Variants in CACNA1D observed in about 807,000 individuals in gnomAD.
CACNA1D encodes the protein voltage-dependent L-type calcium channel subunit alpha-1D.
Under a neutral mutation model 257.1 loss-of-function variants are expected in CACNA1D, and 55 were observed. That is an observed-to-expected ratio of 0.21 (90% CI 0.17 to 0.27). CACNA1D has a LOEUF of 0.27. Among genes scored for constraint, CACNA1D ranks in the 10% least tolerant of loss-of-function variants. The probability of loss-of-function intolerance (pLI) is 1.00; values close to 1 mark genes in which losing one functional copy is unlikely to be tolerated. For synonymous variants in CACNA1D, 980 were observed against 1,014.9 expected (o/e 0.97, Z 0.65); for missense variants, 1,876 against 2,784.0 (o/e 0.67, Z 7.34).
chr3:53,599,860 C>T (rs943478377), intron 3 of CACNA1D, among the ~76,000 whole-genome samples: 1 of 152,200 alleles, frequency 6.6e-6, no homozygotes, highest in Non-Finnish European at 1.5e-5. Flanking sequence ...GCACTGTAAC[C>T]AGGGTTGAGG....
At position 53,793,395 on chromosome 3, in the gene CACNA1D, T is replaced by C. The variant is rs1036760122; in HGVS notation, c.4923+6443T>C. ...TTTGACCCACCCGACGTTGAGTTGA[T>C]TCAGTGCTGAAGGATGGCACGTGCC... On this transcript the variant is annotated intron_variant, in intron 40 of 47. Transcript: ENST00000350061. The surrounding 1 kb of genome is among the most constrained non-coding windows in gnomAD (Gnocchi z 4.1). 6.6e-5 allele frequency among the ~76,000 whole-genome samples: 10 copies of C among 152,214 alleles called. No individual in the cohort carries two copies. Among genetic ancestry groups the C allele is most frequent in the Non-Finnish European group, 1.0e-4 (7 of 68,042 alleles).
chr3:53,581,379 C>T (rs1383648241), intron 3 of CACNA1D, among the ~76,000 whole-genome samples: 3 of 152,142 alleles, frequency 2.0e-5, no homozygotes, highest in Non-Finnish European at 4.4e-5. Context: ...CCAGAGATAA[C>T]CACTGTTAAT....
rs1426428227 is a variant in CACNA1D at position 53,776,008 on chromosome 3, T to G, written c.4325T>G (p.Val1442Gly). 2 of 1,614,186 alleles carry G rather than the reference T, an allele frequency of 1.2e-6. No homozygotes were observed. The highest frequency in any genetic ancestry group is 1.1e-5 in the South Asian group (1 of 91,084). ...ACATGTGGGAGCAACTTTGCCATTG[T>G]CTATTTCATCAGTTTTTACATGCTC... ...EYTCGSNFAI[V>G]YFISFYMLCA... is the part of the protein sequence containing the mutation. Residue 1442 changes from valine to glycine, a missense_variant, in exon 35 of 48, where the codon GTC (valine) becomes GGC (glycine). Coordinates refer to ENST00000350061, the MANE Select transcript of CACNA1D (RefSeq NM_001128840.3).
chr3:53,611,837 A>G (rs1172259435), intron 3 of CACNA1D, among the ~76,000 whole-genome samples: 1 of 152,220 alleles, frequency 6.6e-6, no homozygotes, highest in Non-Finnish European at 1.5e-5. Context: ...TGTGGACCAG[A>G]TGGTCTGTTA....
Position 53,733,055 on chromosome 3 carries a change from G to C in CACNA1D, c.2621+93G>C, listed in dbSNP as rs1042122672. On this transcript the variant is annotated intron_variant, in intron 19 of 47. Coordinates refer to ENST00000350061, the MANE Select transcript of CACNA1D (RefSeq NM_001128840.3). ...GGCTCGGGTGGGGGTGAGGGGAAGT[G>C]GTTCACAGCCCTTTCTGAACCTGAG... 1.1e-5 allele frequency: 14 copies of C among 1,286,744 alleles called. No homozygotes were observed. The African/African-American group carries it at 1.5e-4, about 13-fold the overall frequency. 79.7% of individuals were successfully genotyped at this position (1,286,744 alleles called of 1,614,324 possible).
At chr3:53,554,967 C>G (rs1038745424) in intron 3 of CACNA1D, among the ~76,000 whole-genome samples, 2 of 152,058 alleles carry the variant, frequency 1.3e-5, no homozygotes, top group African/African-American at 4.8e-5. Context: ...AACAACTTCC[C>G]CTTTTCAAAT....
At chr3:53,730,914 A>T in intron 16 of CACNA1D, 163 bp from the exon 17 acceptor site, 1 of 624,922 alleles carries the variant, frequency 1.6e-6, no homozygotes, top group Non-Finnish European at 2.8e-6. Flanking sequence ...TGAGATTACC[A>T]GGAAGCTCTG....
intron 19 of CACNA1D, among the ~76,000 whole-genome samples, chr3:53,735,171 C>T (rs1005786433): frequency 1.3e-5 from 2 of 152,198 alleles, no homozygotes; most frequent in Admixed American, 6.5e-5. Context: ...GGTGACACAC[C>T]ACCCACAGTC....
At chr3:53,752,108 A>T (rs532664507) in intron 28 of CACNA1D, among the ~76,000 whole-genome samples, 105 of 152,250 alleles carry the variant, frequency 6.9e-4, no homozygotes, top group African/African-American at 2.5e-3. Flanking sequence ...TGAAGAAATT[A>T]TCCGTACAGC....
chr3:53,693,231 G>C (rs1363480432), intron 8 of CACNA1D, among the ~76,000 whole-genome samples: 2 of 152,090 alleles, frequency 1.3e-5, no homozygotes, highest in African/African-American at 2.4e-5. Flanking sequence ...TCCCCCCACA[G>C]ACATTACCTG....
intron 3 of CACNA1D, among the ~76,000 whole-genome samples, chr3:53,607,600 C>G (rs555513607): frequency 1.3e-5 from 2 of 152,368 alleles, no homozygotes; most frequent in Admixed American, 1.3e-4. Flanking sequence ...TAACTAAATT[C>G]TGCCAGCAAC....
intron 3 of CACNA1D, among the ~76,000 whole-genome samples, chr3:53,624,184 A>G (rs76060553): frequency 1.3e-5 from 2 of 152,284 alleles, no homozygotes; most frequent in Non-Finnish European, 2.9e-5. Context: ...GAAGTTATAA[A>G]CCACTGTAGA....
rs146746161 is a variant in CACNA1D at position 53,650,134 on chromosome 3, G to A, written c.484-645G>A. Among the ~76,000 whole-genome samples, 3 of 152,342 alleles carry A rather than the reference G, an allele frequency of 2.0e-5. No homozygotes were observed. In the East Asian group the frequency reaches 5.8e-4, roughly 29 times the overall value. On this transcript the variant is annotated intron_variant, in intron 3 of 47. Transcript: ENST00000350061. ...TGCATGATGACCTGTCACAAGTTCA[G>A]CCGGGAGAGGCGGCATGCCAATAAG...
At chr3:53,776,342 T>C (rs2095397086) in intron 35 of CACNA1D, among the ~76,000 whole-genome samples, 1 of 152,068 alleles carries the variant, frequency 6.6e-6, no homozygotes, top group Non-Finnish European at 1.5e-5. Flanking sequence ...GACCTAAGAG[T>C]GTGAATTATT....
chr3:53,716,583 GTT>G (rs55688562), intron 9 of CACNA1D, among the ~76,000 whole-genome samples: 1 of 151,418 alleles, frequency 6.6e-6, no homozygotes, highest in African/African-American at 2.4e-5. Flanking sequence ...TTTTTGTCCA[GTT>G]TTTTTTGTTT....
chr3:53,542,636 A>G (rs1054612712), intron 3 of CACNA1D, among the ~76,000 whole-genome samples: 1 of 152,096 alleles, frequency 6.6e-6, no homozygotes, highest in Non-Finnish European at 1.5e-5. Context: ...TCAGGTCTGG[A>G]TGTAGGGTTA....
rs769517898 is a variant in CACNA1D at position 53,809,993 on chromosome 3, G to A, written c.5887G>A (p.Gly1963Ser). The A allele has an allele frequency of 1.5e-5, 25 of 1,613,882 alleles. No individual in the cohort carries two copies. The highest frequency in any genetic ancestry group is 5.0e-5 in the Admixed American group (3 of 60,004). ...LMQQQIMAVA[G>S]LDSSKAQKYS... ...CTTTCCTCAGATCATGGCAGTTGCC[G>A]GCCTAGATTCAAGTAAAGCCCAGAA... The change falls in exon 47 of 48, where the codon GGC becomes AGC. Residue 1963 changes from glycine (G) to serine (S), a missense_variant. Physicochemically the swap from Gly to Ser is moderately conservative, Grantham distance 56. Transcript: ENST00000350061.
intron 3 of CACNA1D, among the ~76,000 whole-genome samples, chr3:53,639,823 A>T (rs2093929250): frequency 1.3e-5 from 2 of 150,846 alleles, no homozygotes; most frequent in African/African-American, 2.4e-5. Context: ...AAACTTAACC[A>T]GTTCCTGCCA....
At chr3:53,680,339 C>T (rs1056150859) in intron 8 of CACNA1D, among the ~76,000 whole-genome samples, 15 of 149,914 alleles carry the variant, frequency 1.0e-4, no homozygotes, top group African/African-American at 3.6e-4. Context: ...CTGTTCCTGA[C>T]CAAGTTCTTT....
Sources: gnomAD v4.1 joint callset for allele counts (sites outside exome capture counted in the v4.1 genomes callset) on GRCh38, gnomAD v4.1.1 for gene constraint, Gnocchi (gnomAD v3.1) non-coding constraint, MANE v1.5 for transcripts, NCBI Gene and HGNC (gene_info 2026-07-23, HGNC 2026-07-21) for gene names.